The following PPP2R5C variants were observed in gnomAD, a reference collection of about 807,000 sequenced individuals.
PPP2R5C encodes the protein protein phosphatase 2 regulatory subunit B'gamma.
In PPP2R5C, 7 loss-of-function variants were observed where a neutral mutation model predicts 68.9. The ratio of observed to expected loss-of-function variants is 0.10; its 90% CI spans 0.06 to 0.19. The LOEUF (loss-of-function observed/expected upper bound fraction) is 0.19, where lower values mean the gene tolerates loss of function less well. Among genes scored for constraint, PPP2R5C ranks in the 10% least tolerant of loss-of-function variants. The pLI, the probability that PPP2R5C is intolerant of heterozygous loss-of-function variation, is 1.00. For synonymous variants in PPP2R5C, 210 were observed against 222.2 expected, an observed-to-expected ratio of 0.95 and a Z score of 0.49; for missense variants, 348 against 641.3, an observed-to-expected ratio of 0.54 and a Z score of 4.94.
At chr14:101,840,841 A>G (rs947206134) in intron 1 of PPP2R5C, among the ~76,000 whole-genome samples, 4 of 152,204 alleles carry the variant, frequency 2.6e-5, no homozygotes, top group African/African-American at 9.6e-5. Context: ...TTCATTTGGT[A>G]CAAATTTAGT....
Position 101,835,951 on chromosome 14 carries a change from C to G in PPP2R5C, c.95-20735C>G, listed in dbSNP as rs1245157868. On this transcript the variant is annotated intron_variant, in intron 1 of 13. Transcript: ENST00000334743. The surrounding 1 kb of genome is among the most constrained non-coding windows in gnomAD (Gnocchi z 5.0). ...AGGATTAGTGGGCTGGGAAAAGTTA[C>G]AGTAATATATTACCAGCATGTAGAA... Among the ~76,000 whole-genome samples the G allele has an allele frequency of 6.6e-6, 1 of 152,128 alleles. No homozygotes were observed. The highest frequency in any genetic ancestry group is 1.5e-5 in the Non-Finnish European group (1 of 68,028).
Position 101,913,959 on chromosome 14 carries a change from T to C in PPP2R5C, c.1326+1486T>C, listed in dbSNP as rs1475436862. Among the ~76,000 whole-genome samples the C allele has an allele frequency of 6.6e-6, 1 of 152,150 alleles. No individual in the cohort carries two copies. Among genetic ancestry groups the C allele is most frequent in the Non-Finnish European group, 1.5e-5 (1 of 68,032 alleles). On this transcript the variant is annotated intron_variant, in intron 12 of 13. Transcript: ENST00000334743. The surrounding 1 kb of genome is among the most constrained non-coding windows in gnomAD (Gnocchi z 4.1). ...AATATAGAGATAACTTATTGAAAAATTGCATAAAATTGTTACATTACAAAT... is the reference window on the plus strand; with the variant it reads ...AATATAGAGATAACTTATTGAAAAACTGCATAAAATTGTTACATTACAAAT...
At chr14:101,760,649 G>C (rs1018572242), upstream of PPP2R5C, 147 of 927,320 alleles carry the variant, frequency 1.6e-4, no homozygotes, top group Non-Finnish European at 1.8e-4. Context: ...AGAAACTGCG[G>C]AGGGCGGGAC....
At chr14:101,828,841 T>C (rs914963120) in intron 1 of PPP2R5C, among the ~76,000 whole-genome samples, 1 of 151,932 alleles carries the variant, frequency 6.6e-6, no homozygotes, top group African/African-American at 2.4e-5. Flanking sequence ...CCATGCCTGG[T>C]TAATTTTTTG....
intron 2 of PPP2R5C, among the ~76,000 whole-genome samples, chr14:101,880,965 T>A (rs2044134546): frequency 6.6e-6 from 1 of 152,146 alleles, no homozygotes; most frequent in African/African-American, 2.4e-5. Flanking sequence ...AAGGTTTTGA[T>A]TTTGTGCTTC....
rs899463235 is a variant in PPP2R5C at position 101,781,344 on chromosome 14, C to T, written c.94-4674C>T. On this transcript the variant is annotated intron_variant, in intron 2 of 14. Coordinates refer to the PPP2R5C transcript ENST00000328724. The surrounding 1 kb of genome is among the most constrained non-coding windows in gnomAD (Gnocchi z 6.4). ...CCCTCCGAAGCCTCAACCCGCCCTG[C>T]GCCTCCCGGTGGCACAGCGACCTTG... 3.8e-4 allele frequency among the ~76,000 whole-genome samples: 58 copies of T among 152,306 alleles called. 1 individual carries two copies. The highest frequency in any genetic ancestry group is 8.8e-5 in the Non-Finnish European group (6 of 68,018).
chr14:101,859,496 C>G (rs2042630707), intron 2 of PPP2R5C, among the ~76,000 whole-genome samples: 1 of 151,966 alleles, frequency 6.6e-6, no homozygotes, highest in Non-Finnish European at 1.5e-5. Context: ...GGCAACATAG[C>G]CTTTCCCTAC....
At chr14:101,801,106 A>G (rs1411828747) in intron 3 of PPP2R5C, among the ~76,000 whole-genome samples, 4 of 152,192 alleles carry the variant, frequency 2.6e-5, no homozygotes, top group Non-Finnish European at 5.9e-5. Context: ...AAGGGCTGCA[A>G]AAATACAGTC....
At chr14:101,804,066 AT>A (rs1163611855) in intron 3 of PPP2R5C, among the ~76,000 whole-genome samples, 2 of 152,244 alleles carry the variant, frequency 1.3e-5, no homozygotes, top group African/African-American at 4.8e-5. Context: ...TGGGCAAAAG[AT>A]TTGAGTAGAC....
chr14:101,826,713 T>C (rs2040421145), intron 1 of PPP2R5C, among the ~76,000 whole-genome samples: 1 of 152,170 alleles, frequency 6.6e-6, no homozygotes, highest in Non-Finnish European at 1.5e-5. Context: ...TCCTTGTCTC[T>C]TTCTTCTAAT....
exon 1 of PPP2R5C, chr14:101,809,905 G>C: frequency 6.2e-7 from 1 of 1,602,560 alleles, no homozygotes; most frequent in Non-Finnish European, 8.5e-7. Flanking sequence ...CTGGTTTCTT[G>C]CCTTAAGGAG....
At chr14:101,904,478 A>G (rs2045910309) in intron 9 of PPP2R5C, among the ~76,000 whole-genome samples, 1 of 152,204 alleles carries the variant, frequency 6.6e-6, no homozygotes, top group Admixed American at 6.5e-5. Flanking sequence ...AGTACAAGGT[A>G]TTGAACTCTT....
intron 1 of PPP2R5C, among the ~76,000 whole-genome samples, chr14:101,837,641 A>T (rs2041198283): frequency 6.6e-6 from 1 of 152,166 alleles, no homozygotes; most frequent in East Asian, 1.9e-4. Flanking sequence ...CTCAAGCAAA[A>T]CTTCCATGGA....
At chr14:101,801,191 A>G (rs1410673899) in intron 3 of PPP2R5C, among the ~76,000 whole-genome samples, 1 of 152,232 alleles carries the variant, frequency 6.6e-6, no homozygotes, top group African/African-American at 2.4e-5. Context: ...TATATTTCAA[A>G]GTAGCTGGAA....
Position 101,798,382 on chromosome 14 carries a change from C to T in PPP2R5C, c.259+12199C>T, listed in dbSNP as rs113271648. ...TTGAAAGTTTTAATCAGAAATACTA[C>T]CTAGAAATAAAATCAGTAGGATGTA... On this transcript the variant is annotated intron_variant, in intron 3 of 14. Coordinates refer to the PPP2R5C transcript ENST00000328724. 3.5e-3 allele frequency among the ~76,000 whole-genome samples: 533 copies of T among 152,250 alleles called. 2 individuals are homozygous for T. Among genetic ancestry groups the T allele is most frequent in the South Asian group, 6.2e-3 (30 of 4,822 alleles).
intron 1 of PPP2R5C, chr14:101,824,586 G>A (rs2040283489): frequency 6.4e-6 from 1 of 155,368 alleles, no homozygotes; most frequent in Non-Finnish European, 1.4e-5. Context: ...AAAAATTTCT[G>A]AGTTCATTTC....
chr14:101,861,219 A>G (rs1470752347), intron 2 of PPP2R5C, among the ~76,000 whole-genome samples: 1 of 152,252 alleles, frequency 6.6e-6, no homozygotes, highest in African/African-American at 2.4e-5. Flanking sequence ...AAACTTTGAC[A>G]TATCTAGCAG....
rs370530738 is a variant in PPP2R5C at position 101,892,325 on chromosome 14, C to T, written c.690-675C>T. On this transcript the variant is annotated intron_variant, in intron 6 of 13. Transcript: ENST00000334743. ...TGTTACCAACATTAGAATAACATAC[C>T]TGAATTACTCCAGGCAGCAAGAATG... 4.1e-5 allele frequency among the ~76,000 whole-genome samples: 6 copies of T among 147,744 alleles called. No homozygotes were observed. In the East Asian group the frequency reaches 8.0e-4, roughly 20 times the overall value.
At chr14:101,845,828 G>A (rs1168876081) in intron 1 of PPP2R5C, among the ~76,000 whole-genome samples, 1 of 152,158 alleles carries the variant, frequency 6.6e-6, no homozygotes, top group Admixed American at 6.5e-5. Flanking sequence ...GTACAACAAA[G>A]CTGGATAAAC....
Sources: gnomAD v4.1 joint callset for allele counts (sites outside exome capture counted in the v4.1 genomes callset) on GRCh38, gnomAD v4.1.1 for gene constraint, Gnocchi (gnomAD v3.1) non-coding constraint, MANE v1.5 for transcripts, NCBI Gene and HGNC (gene_info 2026-07-23, HGNC 2026-07-21) for gene names.